The following HAPLN1 variants were observed in gnomAD, a reference collection of about 807,000 sequenced individuals.
The protein encoded by HAPLN1 is Cartilage link protein.
HAPLN1 carries 13 observed loss-of-function variants against 36.5 expected under a neutral mutation model. The ratio of observed to expected loss-of-function variants is 0.36; its 90% CI spans 0.23 to 0.57. The LOEUF is 0.57. Ranked by LOEUF, HAPLN1 falls within the 20% of genes least tolerant of loss-of-function variation. The probability of loss-of-function intolerance (pLI) is 0.83; values close to 1 mark genes in which losing one functional copy is unlikely to be tolerated. For missense variants in HAPLN1, 407 were observed against 439.7 expected (o/e 0.93, Z 0.66); for synonymous variants, 202 against 169.8 (o/e 1.19, Z -1.48).
intron 1 of HAPLN1, among the ~76,000 whole-genome samples, chr5:83,676,243 T>A (rs1331337935): frequency 7.6e-6 from 1 of 132,278 alleles, no homozygotes; most frequent in Admixed American, 7.8e-5. Context: ...TACACAGAGA[T>A]ACGCACACAC....
chr5:83,701,401 C>G (rs528086369), intron 1 of HAPLN1, among the ~76,000 whole-genome samples: 115 of 152,306 alleles, frequency 7.6e-4, no homozygotes, highest in African/African-American at 2.7e-3. Context: ...GTGAAGTACA[C>G]AGTGCTTTCT....
At position 83,641,438 on chromosome 5, in the gene HAPLN1, A is replaced by C; in HGVS notation, c.*58T>G. ...CTTGCATGAGTTCATATTGGAAAAA[A>C]AAAACACCTTTCACATGTTCTTAAT... On this transcript the variant is annotated 3_prime_UTR_variant, in exon 5 of 5. Transcript: ENST00000274341. 6.7e-7 allele frequency: 1 copy of C among 1,489,492 alleles called. No individual in the cohort carries two copies. Among genetic ancestry groups the C allele is most frequent in the Non-Finnish European group, 9.0e-7 (1 of 1,113,174 alleles). The allele number at this position is 1,489,492 out of a possible 1,614,324, so 92.3% of individuals were successfully genotyped here.
At chr5:83,676,558 C>T (rs910394033) in intron 1 of HAPLN1, among the ~76,000 whole-genome samples, 21 of 152,282 alleles carry the variant, frequency 1.4e-4, no homozygotes, top group Middle Eastern at 6.8e-3. Context: ...GGCTGTGCCA[C>T]GGGTCTAAGT....
At chr5:83,716,811 C>T (rs1751922973) in intron 1 of HAPLN1, among the ~76,000 whole-genome samples, 2 of 152,202 alleles carry the variant, frequency 1.3e-5, no homozygotes, top group South Asian at 4.1e-4. Flanking sequence ...GCGGGTGGAT[C>T]ACCTGAGGTC....
chr5:83,662,925 T>A (rs762750011), intron 2 of HAPLN1, among the ~76,000 whole-genome samples: 2 of 152,376 alleles, frequency 1.3e-5, no homozygotes, highest in Non-Finnish European at 2.9e-5. Flanking sequence ...GAGTCAATCC[T>A]AGAGGCAACA....
intron 3 of HAPLN1, among the ~76,000 whole-genome samples, chr5:83,646,959 T>C (rs941007839): frequency 2.6e-5 from 4 of 152,124 alleles, no homozygotes; most frequent in African/African-American, 7.2e-5. Flanking sequence ...AAGAAACCAG[T>C]GGGGTTGACT....
intron 2 of HAPLN1, among the ~76,000 whole-genome samples, chr5:83,662,210 C>T (rs970283690): frequency 3.3e-5 from 5 of 152,100 alleles, no homozygotes; most frequent in Non-Finnish European, 5.9e-5. Context: ...GCTGGTTAAC[C>T]ATCTTTATAT....
rs931984786 is a variant in HAPLN1, at chr5:83,638,023, T to A, written c.*3473A>T. On this transcript the variant is annotated 3_prime_UTR_variant, in exon 5 of 5. Coordinates refer to ENST00000274341, the MANE Select transcript of HAPLN1 (RefSeq NM_001884.4). ...CGACACCATATAAATGCTCTTTTTT[T>A]TTTTTTGACTTTGCAAGAGTACTAG... 1.3e-5 allele frequency: 2 copies of A among 151,730 alleles called. No homozygotes were observed. Among genetic ancestry groups the A allele is most frequent in the Non-Finnish European group, 2.9e-5 (2 of 67,812 alleles). The allele number at this position is 151,730 out of a possible 1,614,324, so 9.4% of individuals were successfully genotyped here.
chr5:83,674,144 C>T lies in HAPLN1; in HGVS notation c.-26-595G>A, dbSNP rs540903089. The T allele has an allele frequency of 2.0e-5, 3 of 152,790 alleles. No homozygotes were observed. The South Asian group carries it at 6.2e-4, about 32-fold the overall frequency. 9.5% of individuals were successfully genotyped at this position (152,790 alleles called of 1,614,324 possible). The stretch of plus-strand genomic sequence containing the variant: ...ACAGATTCACTTACCATCTTACATA[C>T]TGCTTGGGTCTACGGTGAATAGTTG... On this transcript the variant is annotated intron_variant, in intron 1 of 4. Coordinates refer to ENST00000274341, the MANE Select transcript of HAPLN1 (RefSeq NM_001884.4).
intron 3 of HAPLN1, among the ~76,000 whole-genome samples, chr5:83,649,666 C>T (rs1012354996): frequency 6.6e-6 from 1 of 152,158 alleles, no homozygotes; most frequent in African/African-American, 2.4e-5. Context: ...CCAGGCTGGT[C>T]GCAAACTCCT....
intron 1 of HAPLN1, among the ~76,000 whole-genome samples, chr5:83,687,467 T>A (rs1048367848): frequency 6.6e-6 from 1 of 152,212 alleles, no homozygotes; most frequent in Non-Finnish European, 1.5e-5. Flanking sequence ...AACAATGTTT[T>A]AGGAGCAAGT....
Position 83,665,552 on chromosome 5 carries a change from A to G in HAPLN1, c.100+7872T>C, listed in dbSNP as rs79046553. ...AAGGCGTTTTTATTTTAAACTTTCAATCCCTCTTTAGAAATAAGATAGGAC... is the reference window on the plus strand; with the variant it reads ...AAGGCGTTTTTATTTTAAACTTTCAGTCCCTCTTTAGAAATAAGATAGGAC... On this transcript the variant is annotated intron_variant, in intron 2 of 4. Coordinates refer to ENST00000274341, the MANE Select transcript of HAPLN1 (RefSeq NM_001884.4). 1.4e-3 allele frequency among the ~76,000 whole-genome samples: 219 copies of G among 152,208 alleles called. 2 individuals carry two copies. In the East Asian group the frequency reaches 0.04, roughly 28 times the overall value.
intron 2 of HAPLN1, among the ~76,000 whole-genome samples, chr5:83,662,205 T>C (rs1024454102): frequency 3.3e-5 from 5 of 152,172 alleles, no homozygotes; most frequent in Non-Finnish European, 5.9e-5. Flanking sequence ...GCCCAGCTGG[T>C]TAACCATCTT....
At chr5:83,670,138 C>T (rs186296890) in intron 2 of HAPLN1, among the ~76,000 whole-genome samples, 76 of 152,252 alleles carry the variant, frequency 5.0e-4, no homozygotes, top group Non-Finnish European at 9.4e-4. Context: ...TATTCATCAT[C>T]TCTAAAATTC....
At chr5:83,712,054 T>C (rs1014930573) in intron 1 of HAPLN1, among the ~76,000 whole-genome samples, 1 of 152,218 alleles carries the variant, frequency 6.6e-6, no homozygotes, top group Non-Finnish European at 1.5e-5. Flanking sequence ...TTGAAGTTAC[T>C]TTCTCTGTAT....
At chr5:83,707,401 A>T (rs1751678054) in intron 1 of HAPLN1, among the ~76,000 whole-genome samples, 1 of 152,208 alleles carries the variant, frequency 6.6e-6, no homozygotes. Context: ...GTGCAATGGA[A>T]CAGAATAGAA....
chr5:83,708,509 G>T (rs1456648425), intron 1 of HAPLN1, among the ~76,000 whole-genome samples: 1 of 152,142 alleles, frequency 6.6e-6, no homozygotes, highest in Non-Finnish European at 1.5e-5. Flanking sequence ...GGAGCTAAAT[G>T]ATGAGAACTC....
chr5:83,710,957 G>T (rs138569752), intron 1 of HAPLN1, among the ~76,000 whole-genome samples: 11 of 148,216 alleles, frequency 7.4e-5, no homozygotes, highest in African/African-American at 2.7e-4. Context: ...TCTCAAAAAA[G>T]AAAAAAAAAG....
chr5:83,652,421 T>A, intron 3 of HAPLN1, 32 bp downstream of exon 3: 1 of 1,581,292 alleles, frequency 6.3e-7, no homozygotes, highest in Non-Finnish European at 8.6e-7. Context: ...TAATGACCAT[T>A]TATACGTTGA....
Sources: allele counts gnomAD v4.1 joint callset (sites outside exome capture counted in the v4.1 genomes callset), GRCh38; gene constraint gnomAD v4.1.1; transcripts MANE v1.5; gene names NCBI Gene and HGNC (gene_info 2026-07-23, HGNC 2026-07-21).